Variants in MTA3 observed in about 807,000 individuals in gnomAD.
MTA3 encodes the protein metastasis associated 1 family member 3.
Under a neutral mutation model 83.5 loss-of-function variants are expected in MTA3, and 34 were observed. The ratio of observed to expected loss-of-function variants is 0.41; its 90% CI spans 0.31 to 0.54. The LOEUF (loss-of-function observed/expected upper bound fraction) is 0.54. Ranked by LOEUF, MTA3 falls within the 20% of genes least tolerant of loss-of-function variation. The probability of loss-of-function intolerance (pLI) is 0.33; values close to 1 mark genes in which losing one functional copy is unlikely to be tolerated. For missense variants in MTA3, 761 were observed against 726.4 expected, an observed-to-expected ratio of 1.05 and a Z score of -0.55; for synonymous variants, 303 against 252.7, an observed-to-expected ratio of 1.20 and a Z score of -1.89.
intron 2 of MTA3, among the ~76,000 whole-genome samples, chr2:42,538,765 TTG>T (rs1491326450): frequency 3.9e-4 from 37 of 95,756 alleles, no homozygotes; most frequent in African/African-American, 7.4e-4. Context: ...AATGTTTTTT[TTG>T]TTTTTTTTTG....
Position 42,515,127 on chromosome 2 carries a change from C to T in MTA3, c.-141+19873C>T, listed in dbSNP as rs369319625. 3.3e-5 allele frequency among the ~76,000 whole-genome samples: 5 copies of T among 151,900 alleles called. No individual in the cohort carries two copies. The East Asian group carries it at 5.8e-4, about 18-fold the overall frequency. ...AGGCTGGAGTGCAGTGGTGCGATCT[C>T]GGCTCACTGCCAGCTCTGCCTCCCG... is the stretch of plus-strand genomic sequence containing the variant. On this transcript the variant is annotated intron_variant, in intron 2 of 17. Transcript: ENST00000405592.
intron 4 of MTA3, among the ~76,000 whole-genome samples, chr2:42,639,527 C>T (rs1018721242): frequency 1.3e-5 from 2 of 152,060 alleles, no homozygotes; most frequent in Non-Finnish European, 2.9e-5. Flanking sequence ...TAAAAACAGA[C>T]GTTAGTTTCC....
intron 9 of MTA3, among the ~76,000 whole-genome samples, chr2:42,685,276 T>C (rs76277539): frequency 0.015 from 2,211 of 152,298 alleles, 53 homozygotes; most frequent in African/African-American, 0.051. Flanking sequence ...ATTTGTAGCA[T>C]GGTATATATT....
chr2:42,579,510 T>C (rs1679393119), intron 3 of MTA3, among the ~76,000 whole-genome samples: 1 of 151,452 alleles, frequency 6.6e-6, no homozygotes, highest in Non-Finnish European at 1.5e-5. Context: ...CACTGCAGCC[T>C]CAAAATCACA....
At chr2:42,545,921 T>C (rs1232758135) in intron 2 of MTA3, among the ~76,000 whole-genome samples, 1 of 152,166 alleles carries the variant, frequency 6.6e-6, no homozygotes, top group Non-Finnish European at 1.5e-5. Context: ...ATTGAAATTC[T>C]CTTAAGATGG....
chr2:42,659,558 G>T (rs1426040361), intron 7 of MTA3: 3 of 260,650 alleles, frequency 1.2e-5, no homozygotes, highest in Non-Finnish European at 2.1e-5. Context: ...ATAACGACCT[G>T]TTTATAGTAA....
chr2:42,577,091 T>TAAAAAAA (rs1173783991), intron 2 of MTA3, among the ~76,000 whole-genome samples: 306 of 19,146 alleles, frequency 0.016, 9 homozygotes, highest in Middle Eastern at 0.083. Flanking sequence ...GTACTCCATC[T>TAAAAAAA]AAAAAAAAAA....
intron 2 of MTA3, among the ~76,000 whole-genome samples, chr2:42,529,956 G>A (rs542715291): frequency 6.6e-6 from 1 of 152,272 alleles, no homozygotes; most frequent in East Asian, 1.9e-4. Flanking sequence ...GGGAGGCCAA[G>A]GCAGGAGGAT....
intron 6 of MTA3, among the ~76,000 whole-genome samples, chr2:42,655,715 G>T (rs748304701): frequency 1.3e-5 from 2 of 152,156 alleles, no homozygotes; most frequent in South Asian, 4.1e-4. Flanking sequence ...CGATTCTCGT[G>T]CCTCAACCTC....
intron 9 of MTA3, among the ~76,000 whole-genome samples, chr2:42,691,984 T>C (rs188243765): frequency 1.3e-5 from 2 of 152,354 alleles, no homozygotes; most frequent in Non-Finnish European, 2.9e-5. Flanking sequence ...TATAACCTTA[T>C]TGAATATCGA....
intron 3 of MTA3, among the ~76,000 whole-genome samples, chr2:42,606,401 A>G (rs1225582724): frequency 6.1e-5 from 8 of 130,302 alleles, no homozygotes; most frequent in African/African-American, 8.9e-5. Flanking sequence ...CCGGGCAGAG[A>G]CGCTCCTCAC....
At chr2:42,539,108 G>C (rs982885040) in intron 2 of MTA3, among the ~76,000 whole-genome samples, 1 of 152,168 alleles carries the variant, frequency 6.6e-6, no homozygotes, top group Non-Finnish European at 1.5e-5. Context: ...AATGTATGAA[G>C]CTTTTTTCCC....
At chr2:42,551,219 C>T (rs1431430646) in intron 2 of MTA3, among the ~76,000 whole-genome samples, 2 of 151,700 alleles carry the variant, frequency 1.3e-5, no homozygotes, top group African/African-American at 4.8e-5. Flanking sequence ...GAGACGAAGT[C>T]TTGCTCTGTC....
chr2:42,612,290 C>CTGCA (rs923763010), intron 4 of MTA3, among the ~76,000 whole-genome samples: 2 of 152,150 alleles, frequency 1.3e-5, no homozygotes, highest in Non-Finnish European at 2.9e-5. Context: ...TCATAGCTCA[C>CTGCA]TGCAGCCTTA....
chr2:42,585,483 T>C (rs1680162953), intron 3 of MTA3, among the ~76,000 whole-genome samples: 1 of 148,870 alleles, frequency 6.7e-6, no homozygotes, highest in Non-Finnish European at 1.5e-5. Flanking sequence ...TTTCTTTTTT[T>C]TTTTTTTTTT....
intron 9 of MTA3, among the ~76,000 whole-genome samples, chr2:42,683,395 T>C (rs1428087065): frequency 6.6e-6 from 1 of 152,200 alleles, no homozygotes; most frequent in Non-Finnish European, 1.5e-5. Flanking sequence ...CTTAATGATG[T>C]AGAGGAGTGG....
At chr2:42,647,309 C>T (rs988417618) in intron 6 of MTA3, among the ~76,000 whole-genome samples, 21 of 151,926 alleles carry the variant, frequency 1.4e-4, no homozygotes, top group Non-Finnish European at 2.5e-4. Flanking sequence ...CTGCAGCTTC[C>T]GCCTCCTGGG....
chr2:42,664,600 C>A (rs1025819197), intron 8 of MTA3, among the ~76,000 whole-genome samples: 2 of 151,144 alleles, frequency 1.3e-5, no homozygotes, highest in African/African-American at 4.9e-5. Context: ...CAGTCTCCTG[C>A]CTCAGCCAGT....
chr2:42,550,702 T>C (rs1677069558), intron 2 of MTA3, among the ~76,000 whole-genome samples: 1 of 152,118 alleles, frequency 6.6e-6, no homozygotes, highest in Non-Finnish European at 1.5e-5. Context: ...CTAAGGAATG[T>C]GGACTTGATG....
Sources: gnomAD v4.1 joint callset for allele counts (sites outside exome capture counted in the v4.1 genomes callset) on GRCh38, gnomAD v4.1.1 for gene constraint, MANE v1.5 for transcripts, NCBI Gene and HGNC (gene_info 2026-07-23, HGNC 2026-07-21) for gene names.